The following WDR70 variants were observed in gnomAD, a reference collection of about 807,000 sequenced individuals.
WDR70 encodes WD repeat domain 70, also known as WD repeat-containing protein 70.
WDR70 carries 53 observed loss-of-function variants against 88.6 expected under a neutral mutation model. That is an observed-to-expected ratio of 0.60 (90% CI 0.48 to 0.75). The LOEUF is 0.75. Among genes scored for constraint, WDR70 ranks in the 30% least tolerant of loss-of-function variants. The pLI, the probability that WDR70 is intolerant of heterozygous loss-of-function variation, is 0.00. For missense variants in WDR70, 610 were observed against 823.2 expected (o/e 0.74, Z 3.17); for synonymous variants, 280 against 270.0 (o/e 1.04, Z -0.36).
intron 5 of WDR70, among the ~76,000 whole-genome samples, chr5:37,413,842 T>C (rs115035698): frequency 0.026 from 3,880 of 152,054 alleles, 65 homozygotes; most frequent in Non-Finnish European, 0.039. Flanking sequence ...AATCCAAACT[T>C]TTGAAAATAT....
At chr5:37,618,320 T>C (rs1414518124) in intron 10 of WDR70, among the ~76,000 whole-genome samples, 1 of 152,204 alleles carries the variant, frequency 6.6e-6, no homozygotes, top group Non-Finnish European at 1.5e-5. Context: ...TTGAATTTAG[T>C]CAAAATATAA....
At position 37,731,717 on chromosome 5, in the gene WDR70, A is replaced by G. The variant is rs537347634; in HGVS notation, c.1877+4672A>G. On this transcript the variant is annotated intron_variant, in intron 17 of 17. Coordinates refer to ENST00000265107, the MANE Select transcript of WDR70 (RefSeq NM_018034.4). Reference sequence around the variant, plus strand: ...ATTTTAATGGCTAACTGCTCCAAATATTTGTGTCTATGTTTACACACAAAT... The same window carrying G: ...ATTTTAATGGCTAACTGCTCCAAATGTTTGTGTCTATGTTTACACACAAAT... 3.3e-5 allele frequency among the ~76,000 whole-genome samples: 5 copies of G among 152,276 alleles called. No individual in the cohort carries two copies. In the East Asian group the frequency reaches 9.6e-4, roughly 29 times the overall value.
chr5:37,546,379 G>A (rs1486699564), intron 9 of WDR70, among the ~76,000 whole-genome samples: 1 of 152,124 alleles, frequency 6.6e-6, no homozygotes, highest in Admixed American at 6.5e-5. Context: ...AATGTTGGAG[G>A]AAAGTTTGAT....
intron 10 of WDR70, among the ~76,000 whole-genome samples, chr5:37,663,016 C>T (rs972569580): frequency 6.6e-6 from 1 of 151,984 alleles, no homozygotes; most frequent in Non-Finnish European, 1.5e-5. Context: ...TGCCAGGGAC[C>T]CAGAAAGCAA....
chr5:37,466,363 T>C (rs1254534491), intron 7 of WDR70, among the ~76,000 whole-genome samples: 1 of 152,286 alleles, frequency 6.6e-6, no homozygotes, highest in African/African-American at 2.4e-5. Flanking sequence ...TCTACAGCTG[T>C]AGTGTTCAAT....
chr5:37,422,968 G>A (rs1259469549), intron 5 of WDR70, among the ~76,000 whole-genome samples: 1 of 152,094 alleles, frequency 6.6e-6, no homozygotes. Context: ...GGAATGTTGT[G>A]AAAAGTTTTT....
At chr5:37,737,758 A>G (rs1319238646) in intron 17 of WDR70, among the ~76,000 whole-genome samples, 1 of 152,128 alleles carries the variant, frequency 6.6e-6, no homozygotes, top group Non-Finnish European at 1.5e-5. Context: ...CCATTTGGTG[A>G]TAAGGTAGCT....
At chr5:37,399,589 G>T (rs1170029291) in intron 5 of WDR70, among the ~76,000 whole-genome samples, 1 of 152,176 alleles carries the variant, frequency 6.6e-6, no homozygotes, top group Non-Finnish European at 1.5e-5. Flanking sequence ...AACAATTGAG[G>T]TATTCAAACA....
At chr5:37,454,565 A>G (rs1738776532) in intron 7 of WDR70, among the ~76,000 whole-genome samples, 1 of 152,160 alleles carries the variant, frequency 6.6e-6, no homozygotes, top group Admixed American at 6.5e-5. Context: ...CTAGATTCTG[A>G]AATTTAAAAA....
intron 9 of WDR70, among the ~76,000 whole-genome samples, chr5:37,541,942 C>CT (rs1161060829): frequency 3.3e-5 from 5 of 152,308 alleles, no homozygotes; most frequent in Non-Finnish European, 7.4e-5. Flanking sequence ...CACATAGATA[C>CT]TGGGAGCATA....
At chr5:37,713,045 T>G (rs534979516) in intron 13 of WDR70, among the ~76,000 whole-genome samples, 6 of 152,330 alleles carry the variant, frequency 3.9e-5, no homozygotes, top group African/African-American at 1.2e-4. Context: ...AGCAGATTCT[T>G]GATTCAGATG....
chr5:37,665,072 T>C lies in WDR70; in HGVS notation c.1093-32583T>C, dbSNP rs571210263. On this transcript the variant is annotated intron_variant, in intron 10 of 17. Coordinates refer to ENST00000265107, the MANE Select transcript of WDR70 (RefSeq NM_018034.4). Reference sequence around the variant, plus strand: ...CCATGCATTCCTTTTTTAGTCAAATTGTACTAAACAGAGAAAAGATTTCCT... The same window carrying C: ...CCATGCATTCCTTTTTTAGTCAAATCGTACTAAACAGAGAAAAGATTTCCT... Among the ~76,000 whole-genome samples, 4 of 152,330 alleles carry C rather than the reference T, an allele frequency of 2.6e-5. No homozygotes were observed. The South Asian group carries it at 8.3e-4, about 32-fold the overall frequency.
rs370297612 is a variant in WDR70, at chr5:37,592,701, CT to C, written c.918-12360del. Among the ~76,000 whole-genome samples, 441 of 152,328 alleles carry C rather than the reference CT, an allele frequency of 2.9e-3. 3 individuals are homozygous for C. Among genetic ancestry groups the C allele is most frequent in the African/African-American group, 0.01 (422 of 41,578 alleles). ...ACACTTAATGGAAAAAGGCTGAATA[CT>C]TTCCCCCTGTGCTTGAGAAAAAAGC... On this transcript the variant is annotated intron_variant, in intron 9 of 17. Coordinates refer to ENST00000265107, the MANE Select transcript of WDR70 (RefSeq NM_018034.4).
intron 10 of WDR70, among the ~76,000 whole-genome samples, chr5:37,637,339 TTAAATAAATAAATAAA>T (rs34958458): frequency 0.049 from 7,047 of 145,058 alleles, 204 homozygotes; most frequent in Middle Eastern, 0.13. Context: ...AATAAATAAA[TTAAATAAATAAATAAA>T]TAAATAAATA....
intron 17 of WDR70, among the ~76,000 whole-genome samples, chr5:37,739,904 C>T (rs980181402): frequency 2.6e-5 from 4 of 152,184 alleles, no homozygotes; most frequent in Middle Eastern, 3.4e-3. Context: ...TCCATTTCTT[C>T]AAGCAGCCCA....
intron 9 of WDR70, among the ~76,000 whole-genome samples, chr5:37,602,974 TA>T (rs895914016): frequency 4.0e-5 from 6 of 150,258 alleles, no homozygotes; most frequent in African/African-American, 9.8e-5. Flanking sequence ...GAGACTGTCT[TA>T]AAAAAAAATA....
intron 13 of WDR70, among the ~76,000 whole-genome samples, chr5:37,720,863 G>T (rs1340416327): frequency 6.6e-6 from 1 of 152,140 alleles, no homozygotes; most frequent in Non-Finnish European, 1.5e-5. Flanking sequence ...TTTCAGGGCT[G>T]TCCAGAAAGG....
intron 10 of WDR70, among the ~76,000 whole-genome samples, chr5:37,607,132 G>A (rs1327823918): frequency 6.6e-6 from 1 of 151,286 alleles, no homozygotes. Context: ...TGGTAGAGAC[G>A]GGGTTCCACC....
At chr5:37,392,622 G>C (rs535565195) in intron 4 of WDR70, among the ~76,000 whole-genome samples, 1 of 152,064 alleles carries the variant, frequency 6.6e-6, no homozygotes, top group South Asian at 2.1e-4. Context: ...GGGATAACAG[G>C]TGTCAGCTAC....
Sources: gnomAD v4.1 joint callset for allele counts (sites outside exome capture counted in the v4.1 genomes callset) on GRCh38, gnomAD v4.1.1 for gene constraint, MANE v1.5 for transcripts, NCBI Gene and HGNC (gene_info 2026-07-23, HGNC 2026-07-21) for gene names.